The following DHX36 variants were observed in gnomAD, a reference collection of about 807,000 sequenced individuals.
The protein encoded by DHX36 is ATP-dependent DNA/RNA helicase DHX36.
DHX36 carries 50 observed loss-of-function variants against 139.0 expected under a neutral mutation model. The observed-to-expected ratio is 0.36, with a 90% CI of 0.29 to 0.46. The LOEUF is 0.46. Ranked by LOEUF, DHX36 falls within the 20% of genes least tolerant of loss-of-function variation. The probability of loss-of-function intolerance (pLI) is 1.00; values close to 1 mark genes in which losing one functional copy is unlikely to be tolerated. For synonymous variants in DHX36, 425 were observed against 401.9 expected, an observed-to-expected ratio of 1.06 and a Z score of -0.69; for missense variants, 1,024 against 1,211.3, an observed-to-expected ratio of 0.85 and a Z score of 2.29.
At chr3:154,317,453 T>G (rs986682543) in intron 1 of DHX36, among the ~76,000 whole-genome samples, 5 of 151,846 alleles carry the variant, frequency 3.3e-5, no homozygotes, top group Admixed American at 2.6e-4. Flanking sequence ...TAATACCACC[T>G]CCAAAGATGA....
At chr3:154,310,686 G>A (rs546051164) in intron 4 of DHX36, among the ~76,000 whole-genome samples, 145 of 144,690 alleles carry the variant, frequency 1.0e-3, no homozygotes, top group African/African-American at 3.6e-3. Context: ...GCTGAGGCAG[G>A]AGGATCGCTT....
At chr3:154,289,609 A>C (rs939837146) in intron 16 of DHX36, 100 bp downstream of exon 16, 2 of 731,508 alleles carry the variant, frequency 2.7e-6, no homozygotes, top group African/African-American at 3.5e-5. Flanking sequence ...TTGTGAGTTA[A>C]TAATTGTTTC....
chr3:154,282,617 T>C (rs939911768), intron 20 of DHX36, among the ~76,000 whole-genome samples: 10 of 152,066 alleles, frequency 6.6e-5, no homozygotes, highest in African/African-American at 2.4e-4. Flanking sequence ...TGATTTGGTA[T>C]GTTAGATTTT....
At chr3:154,300,520 CTG>C in intron 11 of DHX36, 72 bp downstream of exon 11, 1 of 1,177,674 alleles carries the variant, frequency 8.5e-7, no homozygotes, top group South Asian at 1.3e-5. Context: ...TTTAAGAAAA[CTG>C]TATTTTTCAT....
At chr3:154,276,436 G>T in intron 24 of DHX36, 80 bp from the exon 25 acceptor site, 2 of 1,309,666 alleles carry the variant, frequency 1.5e-6, no homozygotes, top group Non-Finnish European at 2.1e-6. Flanking sequence ...TAATTTACCT[G>T]ATACAAGGAG....
In DHX36 at chr3:154,315,057, T is replaced by A; in HGVS notation, c.592A>T (p.Ile198Phe). The A allele has an allele frequency of 3.8e-6, 6 of 1,594,636 alleles. No homozygotes were observed. Among genetic ancestry groups the A allele is most frequent in the Non-Finnish European group, 5.1e-6 (6 of 1,170,138 alleles). Residue 198 changes from isoleucine to phenylalanine, a missense_variant, in exon 3 of 25, where the codon ATT becomes TTT. This residue lies in a region of DHX36 where 293 missense variants were observed against 274.4 expected (regional missense o/e 1.07). Transcript: ENST00000496811. ...CATCTTTCTACTACCTGCATTTCAA[T>A]ATACCGAAGGTCATTTTTTTTCTTT... Reference protein sequence around the residue: ...LQKKKNDLRYIEMQHFREKLP... With the variant: ...LQKKKNDLRYFEMQHFREKLP...
intron 12 of DHX36, among the ~76,000 whole-genome samples, chr3:154,299,557 T>C (rs1310338099): frequency 6.6e-6 from 1 of 152,164 alleles, no homozygotes; most frequent in Non-Finnish European, 1.5e-5. Context: ...GTGACTCTGT[T>C]GTATACTCAG....
chr3:154,298,249 T>C (rs950872616), intron 12 of DHX36, among the ~76,000 whole-genome samples: 1 of 152,224 alleles, frequency 6.6e-6, no homozygotes, highest in Non-Finnish European at 1.5e-5. Flanking sequence ...TTTTGGTATA[T>C]ATCTTATCTT....
chr3:154,292,405 C>A, intron 15 of DHX36, 146 bp downstream of exon 15: 4 of 1,145,880 alleles, frequency 3.5e-6, no homozygotes, highest in Non-Finnish European at 5.0e-6. Flanking sequence ...ATTAGAACAA[C>A]TTTCCTATTT....
At chr3:154,310,863 A>C (rs1271937261) in intron 4 of DHX36, among the ~76,000 whole-genome samples, 1 of 120,994 alleles carries the variant, frequency 8.3e-6, no homozygotes, top group Non-Finnish European at 1.6e-5. Context: ...GTATATACAT[A>C]TATATATATT....
At position 154,304,979 on chromosome 3, in the gene DHX36, C is replaced by T; in HGVS notation, c.969-7G>A. The T allele has an allele frequency of 4.4e-6, 7 of 1,598,784 alleles. No individual in the cohort carries two copies. Among genetic ancestry groups the T allele is most frequent in the Non-Finnish European group, 6.0e-6 (7 of 1,175,212 alleles). ...ACTAACACTGGACAAATACCTAAGG[C>T]AGAAGTGTGAAGTACAAAATTTTAA... is the stretch of plus-strand genomic sequence containing the variant. On this transcript the variant is annotated splice_region_variant and splice_polypyrimidine_tract_variant and intron_variant, in intron 7 of 24. Coordinates refer to ENST00000496811, the MANE Select transcript of DHX36 (RefSeq NM_020865.3).
chr3:154,311,827 T>C (rs1334237220), intron 3 of DHX36, 153 bp from the exon 4 acceptor site: 4 of 526,016 alleles, frequency 7.6e-6, no homozygotes, highest in African/African-American at 6.0e-5. Context: ...AAGAATAATT[T>C]ACCAATTCCT....
chr3:154,283,156 T>C (rs1439873246), intron 20 of DHX36, 32 bp downstream of exon 20: 2 of 1,498,174 alleles, frequency 1.3e-6, no homozygotes, highest in African/African-American at 2.8e-5. Context: ...ATCTAGCATA[T>C]ATGATAATTA....
chr3:154,300,736 A>G (rs1239378846), intron 10 of DHX36, 40 bp from the exon 11 acceptor site: 1 of 1,523,204 alleles, frequency 6.6e-7, no homozygotes, highest in South Asian at 1.2e-5. Context: ...TACTTAATCA[A>G]GTTTTCTGTT....
chr3:154,283,266 C>G lies in DHX36; in HGVS notation c.2298G>C (p.Trp766Cys). ...HLTVVNAFEG[W>C]EEARRRGFRY... ...TGAAACCACGTCGCCTAGCCTCTTC[C>G]CAGCCCTATGGGGCAAAGAAATGAA... Residue 766 changes from tryptophan (W) to cysteine (C), a missense_variant, in exon 20 of 25, where the codon TGG becomes TGC. By Grantham distance (215) the Trp-to-Cys change is radical. This residue lies in a region of DHX36 where 470 missense variants were observed against 616.2 expected (regional missense o/e 0.76). Transcript: ENST00000496811. 1.2e-6 allele frequency: 2 copies of G among 1,611,482 alleles called. No homozygotes were observed. The highest frequency in any genetic ancestry group is 1.7e-6 in the Non-Finnish European group (2 of 1,177,826).
At chr3:154,286,186 A>AAC (rs1176699745) in intron 17 of DHX36, among the ~76,000 whole-genome samples, 60 of 149,898 alleles carry the variant, frequency 4.0e-4, no homozygotes, top group African/African-American at 1.4e-3. Context: ...AAAAAAAAAA[A>AAC]AAAAAACACC....
chr3:154,321,752 A>C (rs1199936092), intron 1 of DHX36, among the ~76,000 whole-genome samples: 1 of 152,178 alleles, frequency 6.6e-6, no homozygotes, highest in Non-Finnish European at 1.5e-5. Flanking sequence ...TGAGGTCAGG[A>C]GCTCAAGACC....
chr3:154,279,178 T>G lies in DHX36; in HGVS notation c.2567+1401A>C, dbSNP rs1719253910. The stretch of plus-strand genomic sequence containing the variant: ...CTATACAGGACCAGAGAGTAAATAT[T>G]TTAGGGTCTATATTTGGGGCTCTAT... On this transcript the variant is annotated intron_variant, in intron 22 of 24. Coordinates refer to ENST00000496811, the MANE Select transcript of DHX36 (RefSeq NM_020865.3). 5 of 152,188 alleles carry G rather than the reference T, an allele frequency of 3.3e-5. No individual in the cohort carries two copies. In the South Asian group the frequency reaches 1.0e-3, roughly 32 times the overall value. The allele number at this position is 152,188 out of a possible 1,614,324, so 9.4% of individuals were successfully genotyped here.
Position 154,283,269 on chromosome 3 carries a change from G to A in DHX36, c.2295C>T (p.Gly765=). 6.2e-7 allele frequency: 1 copy of A among 1,606,662 alleles called. No individual in the cohort carries two copies. Among genetic ancestry groups the A allele is most frequent in the Non-Finnish European group, 8.5e-7 (1 of 1,173,632 alleles). Residue 765 remains glycine (G), a splice_region_variant and synonymous_variant, in exon 20 of 25, where the codon GGC becomes GGT. Coordinates refer to ENST00000496811, the MANE Select transcript of DHX36 (RefSeq NM_020865.3). ...AACCACGTCGCCTAGCCTCTTCCCA[G>A]CCCTATGGGGCAAAGAAATGAAGAA... is the stretch of plus-strand genomic sequence containing the variant. The part of the protein sequence containing the change: ...DHLTVVNAFE[G]WEEARRRGFR...
Sources: allele counts gnomAD v4.1 joint callset (sites outside exome capture counted in the v4.1 genomes callset), GRCh38; gene constraint gnomAD v4.1.1; regional missense constraint gnomAD v4.1.1; transcripts MANE v1.5; gene names NCBI Gene and HGNC (gene_info 2026-07-23, HGNC 2026-07-21).